The following CDH13 variants were observed in gnomAD, a reference collection of about 807,000 sequenced individuals.
The protein encoded by CDH13 is cadherin 13, also known as cadherin-13.
CDH13 carries 24 observed loss-of-function variants against 63.8 expected under a neutral mutation model. The ratio of observed to expected loss-of-function variants is 0.38; its 90% CI spans 0.27 to 0.53. CDH13 has a LOEUF of 0.53. CDH13 is among the 20% of genes least tolerant of loss of function. CDH13 has a pLI of 0.85. For synonymous variants in CDH13, 503 were observed against 355.3 expected, an observed-to-expected ratio of 1.42 and a Z score of -4.67; for missense variants, 1,049 against 903.1, an observed-to-expected ratio of 1.16 and a Z score of -2.07.
intron 6 of CDH13, among the ~76,000 whole-genome samples, chr16:83,392,395 AT>A (rs1344767928): frequency 6.6e-6 from 1 of 152,252 alleles, no homozygotes; most frequent in African/African-American, 2.4e-5. Context: ...TCCTAAAATT[AT>A]CACTAATAAG....
At chr16:83,037,504 A>G (rs1916967782) in intron 3 of CDH13, among the ~76,000 whole-genome samples, 1 of 152,200 alleles carries the variant, frequency 6.6e-6, no homozygotes, top group Admixed American at 6.5e-5. Context: ...CCAGAAAGGA[A>G]GAAAGAGCCA....
intron 1 of CDH13, among the ~76,000 whole-genome samples, chr16:82,743,378 C>A (rs1417647948): frequency 2.0e-5 from 3 of 152,096 alleles, no homozygotes; most frequent in Admixed American, 2.0e-4. Flanking sequence ...CAGGCGCAGA[C>A]CACGGCACCT....
At chr16:83,745,063 T>C (rs74034806) in intron 10 of CDH13, among the ~76,000 whole-genome samples, 10,837 of 152,192 alleles carry the variant, frequency 0.071, 1,179 homozygotes, top group African/African-American at 0.23. Flanking sequence ...AGGAATAATA[T>C]TATCAACCTC....
At chr16:83,619,099 G>A (rs1169173103) in intron 8 of CDH13, among the ~76,000 whole-genome samples, 2 of 152,222 alleles carry the variant, frequency 1.3e-5, no homozygotes, top group African/African-American at 4.8e-5. Context: ...TATCACACGT[G>A]ATAACGTTAT....
chr16:82,687,876 G>A (rs760825062), intron 1 of CDH13, among the ~76,000 whole-genome samples: 11 of 152,092 alleles, frequency 7.2e-5, no homozygotes, highest in South Asian at 2.1e-4. Context: ...AGGGCAAACC[G>A]TCAGGGATGC....
intron 1 of CDH13, among the ~76,000 whole-genome samples, chr16:82,710,954 TAA>T (rs1012722974): frequency 6.9e-6 from 1 of 144,260 alleles, no homozygotes; most frequent in Admixed American, 7.0e-5. Context: ...ACCCCAACAT[TAA>T]AAAAAAAAGC....
chr16:82,808,991 A>G (rs1597659164), intron 1 of CDH13, among the ~76,000 whole-genome samples: 1 of 152,204 alleles, frequency 6.6e-6, no homozygotes, highest in Admixed American at 6.5e-5. Context: ...AGATATGTGT[A>G]TATGTATGGG....
intron 4 of CDH13, among the ~76,000 whole-genome samples, chr16:83,213,501 G>T (rs915949446): frequency 2.0e-5 from 3 of 152,104 alleles, no homozygotes; most frequent in African/African-American, 7.2e-5. Context: ...ATAACTAACA[G>T]CCCGGAAGGC....
intron 8 of CDH13, among the ~76,000 whole-genome samples, chr16:83,620,171 T>A (rs564597141): frequency 1.3e-5 from 2 of 152,060 alleles, no homozygotes; most frequent in South Asian, 4.2e-4. Context: ...GGTGGGTGGA[T>A]CACGAGGTCA....
intron 8 of CDH13, among the ~76,000 whole-genome samples, chr16:83,620,150 T>A (rs1909675516): frequency 6.6e-6 from 1 of 152,048 alleles, no homozygotes; most frequent in Non-Finnish European, 1.5e-5. Context: ...CCCAGCACTT[T>A]CAGAGGCCAA....
intron 6 of CDH13, among the ~76,000 whole-genome samples, chr16:83,402,070 G>T (rs1326613013): frequency 6.6e-6 from 1 of 152,128 alleles, no homozygotes; most frequent in African/African-American, 2.4e-5. Context: ...CTTCCTTGTA[G>T]AGTACATAGG....
intron 5 of CDH13, among the ~76,000 whole-genome samples, chr16:83,235,643 C>A (rs1028152916): frequency 7.0e-6 from 1 of 143,706 alleles, no homozygotes; most frequent in East Asian, 2.2e-4. Context: ...TGAGGGAAAA[C>A]TAATTCCAGC....
intron 1 of CDH13, among the ~76,000 whole-genome samples, chr16:82,710,052 CACACACACACT>C (rs1216971939): frequency 6.0e-5 from 9 of 150,998 alleles, no homozygotes; most frequent in Admixed American, 6.0e-4. Context: ...TATGCATACA[CACACACACACT>C]ACACACACAC....
intron 10 of CDH13, among the ~76,000 whole-genome samples, chr16:83,741,904 C>T (rs1405470827): frequency 6.6e-6 from 1 of 152,152 alleles, no homozygotes; most frequent in Non-Finnish European, 1.5e-5. Context: ...CGGCACACTC[C>T]TTATGAGAAT....
intron 6 of CDH13, among the ~76,000 whole-genome samples, chr16:83,423,935 C>T (rs1441147460): frequency 6.6e-6 from 1 of 152,228 alleles, no homozygotes; most frequent in Non-Finnish European, 1.5e-5. Context: ...TATAACTAAA[C>T]TTTAAGACAT....
intron 3 of CDH13, among the ~76,000 whole-genome samples, chr16:83,120,361 C>G (rs1017137314): frequency 6.6e-6 from 1 of 152,172 alleles, no homozygotes; most frequent in Non-Finnish European, 1.5e-5. Flanking sequence ...CTCTGGACAC[C>G]CGTGAGGACA....
chr16:83,658,679 A>G (rs1406271023), intron 8 of CDH13, among the ~76,000 whole-genome samples: 16 of 148,566 alleles, frequency 1.1e-4, no homozygotes, highest in Non-Finnish European at 1.9e-4. Context: ...GCAAGGTCCC[A>G]TATCCTCACC....
intron 7 of CDH13, among the ~76,000 whole-genome samples, chr16:83,511,918 G>A (rs1373090072): frequency 6.6e-6 from 1 of 152,128 alleles, no homozygotes; most frequent in Non-Finnish European, 1.5e-5. Context: ...CTCGAAAGGG[G>A]CTCATAAAAG....
intron 10 of CDH13, among the ~76,000 whole-genome samples, chr16:83,732,844 G>A (rs1383931215): frequency 3.3e-5 from 5 of 152,108 alleles, no homozygotes. Context: ...TCAACTCCTT[G>A]GAATTCCAGG....
Sources: allele counts gnomAD v4.1 joint callset (sites outside exome capture counted in the v4.1 genomes callset), GRCh38; gene constraint gnomAD v4.1.1; transcripts MANE v1.5; gene names NCBI Gene and HGNC (gene_info 2026-07-23, HGNC 2026-07-21).